The following SPATA6L variants were observed in gnomAD, a reference collection of about 807,000 sequenced individuals.
The protein encoded by SPATA6L is spermatogenesis associated 6 like, also known as spermatogenesis associated 6-like protein.
Under a neutral mutation model 49.2 loss-of-function variants are expected in SPATA6L, and 68 were observed. The ratio of observed to expected loss-of-function variants is 1.38; its 90% CI spans 1.14 to 1.69. The LOEUF is 1.69. Among genes scored for constraint, SPATA6L ranks in the 40% most tolerant of loss-of-function variants. SPATA6L has a pLI of 0.00. For missense variants in SPATA6L, 668 were observed against 464.3 expected (o/e 1.44, Z -4.03); for synonymous variants, 198 against 165.7 (o/e 1.19, Z -1.50).
chr9:4,605,792 C>T lies in SPATA6L; in HGVS notation c.996-352G>A, dbSNP rs190208452. On this transcript the variant is annotated intron_variant, in intron 9 of 11. Transcript: ENST00000682582. ...AACTTTTTAATATAAAATTTAAATC[C>T]GGTTTTCGGGGAGAGCCAAGATGGC... Among the ~76,000 whole-genome samples the T allele has an allele frequency of 1.1e-4, 17 of 152,084 alleles. No individual in the cohort carries two copies. In the East Asian group the frequency reaches 3.1e-3, roughly 28 times the overall value.
At chr9:4,606,411 GAA>G (rs1825075927) in intron 9 of SPATA6L, among the ~76,000 whole-genome samples, 1 of 92,762 alleles carries the variant, frequency 1.1e-5, no homozygotes, top group African/African-American at 4.9e-5. Flanking sequence ...TGACAGCTTT[GAA>G]GAGAGCAGTG....
chr9:4,662,621 C>T lies in SPATA6L; in HGVS notation c.40-585G>A, dbSNP rs777577275. 2.5e-6 allele frequency: 4 copies of T among 1,596,118 alleles called. No homozygotes were observed. Among genetic ancestry groups the T allele is most frequent in the Non-Finnish European group, 3.4e-6 (4 of 1,178,390 alleles). ...CCGCGGCGGGCCCCTCGCAGTCGCC[C>T]GCGCCTCCGCTGCCCGAGGAGGACC... On this transcript the variant is annotated intron_variant, in intron 1 of 11. Coordinates refer to ENST00000682582, the MANE Select transcript of SPATA6L (RefSeq NM_001353486.2). This position sits in a 1 kb window ranked among gnomAD's most constrained non-coding sequence, Gnocchi z 4.9.
intron 9 of SPATA6L, among the ~76,000 whole-genome samples, chr9:4,606,740 T>C (rs1271772559): frequency 2.1e-4 from 31 of 146,152 alleles, no homozygotes; most frequent in Admixed American, 1.7e-3. Flanking sequence ...AGAGCGCCTC[T>C]CCTCCTCCAA....
Position 4,662,580 on chromosome 9 carries a change from G to C in SPATA6L, c.40-544C>G, listed in dbSNP as rs190018180. ...ATCGGAGAGCCCAGTTCACCGCCGCGGCTCCTTCCCCCTGGCCGCGGCGGG... is the reference window on the plus strand; with the variant it reads ...ATCGGAGAGCCCAGTTCACCGCCGCCGCTCCTTCCCCCTGGCCGCGGCGGG... On this transcript the variant is annotated intron_variant, in intron 1 of 11. Transcript: ENST00000682582. This position sits in a 1 kb window ranked among gnomAD's most constrained non-coding sequence, Gnocchi z 4.9. 6.3e-7 allele frequency: 1 copy of C among 1,590,162 alleles called. No individual in the cohort carries two copies. The highest frequency in any genetic ancestry group is 8.5e-7 in the Non-Finnish European group (1 of 1,176,192).
rs556473723 is a variant in SPATA6L, at chr9:4,666,135, G to C, written c.39+77C>G. The C allele has an allele frequency of 6.7e-5, 87 of 1,299,934 alleles. No homozygotes were observed. The African/African-American group carries it at 9.9e-4, about 15-fold the overall frequency. 80.5% of individuals were successfully genotyped at this position (1,299,934 alleles called of 1,614,324 possible). A position where few individuals can be genotyped will look rare whatever the true frequency, so the allele number is the denominator to read the frequency against. On this transcript the variant is annotated intron_variant, in intron 1 of 11. Transcript: ENST00000682582. ...TTTGTGGTAAGTGGGGGATGTGGGG[G>C]AGGGTTGTTGAAAACCACCTGAGAC...
downstream of SPATA6L, among the ~76,000 whole-genome samples, chr9:4,594,922 C>G (rs1470453310): frequency 6.6e-6 from 1 of 152,160 alleles, no homozygotes; most frequent in Non-Finnish European, 1.5e-5. Context: ...TTCTTCTCAA[C>G]ACCCACCTTG....
chr9:4,666,093 C>T, intron 1 of SPATA6L, 119 bp downstream of exon 1: 3 of 916,984 alleles, frequency 3.3e-6, no homozygotes, highest in Non-Finnish European at 5.4e-6. Context: ...CGATCTGTCC[C>T]AGAAGATAAT....
At chr9:4,604,506 C>A (rs1824227835) in intron 10 of SPATA6L, among the ~76,000 whole-genome samples, 1 of 152,064 alleles carries the variant, frequency 6.6e-6, no homozygotes, top group South Asian at 2.1e-4. Flanking sequence ...CCTCAGCCTC[C>A]CAAAGTACTA....
At chr9:4,591,451 G>C (rs1010769507) in intron 13 of SPATA6L, among the ~76,000 whole-genome samples, 1 of 152,182 alleles carries the variant, frequency 6.6e-6, no homozygotes, top group African/African-American at 2.4e-5. Context: ...AGGCAGGTCT[G>C]ATGGATCTCA....
intron 5 of SPATA6L, 83 bp downstream of exon 5, chr9:4,629,008 T>C (rs1173753985): frequency 2.2e-6 from 2 of 902,730 alleles, no homozygotes; most frequent in East Asian, 2.6e-5. Flanking sequence ...GTAAACTTAA[T>C]AAACTGAGTT....
chr9:4,620,524 C>T (rs1829046667), intron 7 of SPATA6L, among the ~76,000 whole-genome samples: 1 of 152,210 alleles, frequency 6.6e-6, no homozygotes, highest in Admixed American at 6.5e-5. Flanking sequence ...TTCAACTGCA[C>T]ATTCAGGTTT....
Position 4,625,270 on chromosome 9 carries a change from A to C in SPATA6L, c.669+57T>G, listed in dbSNP as rs551963812. The C allele has an allele frequency of 3.6e-5, 56 of 1,541,060 alleles. 1 individual carries two copies. The South Asian group carries it at 4.5e-4, about 12-fold the overall frequency. On this transcript the variant is annotated intron_variant, in intron 6 of 11. Coordinates refer to ENST00000682582, the MANE Select transcript of SPATA6L (RefSeq NM_001353486.2). Reference sequence around the variant, plus strand: ...TTATAACTCAACCTTCCTTTCTTCCACCCTCATCCATATCCTCACTATTGC... The same window carrying C: ...TTATAACTCAACCTTCCTTTCTTCCCCCCTCATCCATATCCTCACTATTGC...
intron 3 of SPATA6L, among the ~76,000 whole-genome samples, chr9:4,654,776 T>C (rs1837728348): frequency 1.3e-5 from 2 of 152,146 alleles, no homozygotes; most frequent in Non-Finnish European, 2.9e-5. Flanking sequence ...GTCCAGCCGC[T>C]TCTGTCTCTG....
chr9:4,648,679 G>C (rs949176735), intron 3 of SPATA6L, among the ~76,000 whole-genome samples: 2 of 121,818 alleles, frequency 1.6e-5, no homozygotes, highest in Non-Finnish European at 3.4e-5. Context: ...CAGCCTGGGC[G>C]ACAGAGCGAG....
chr9:4,605,867 G>A (rs976730885), intron 9 of SPATA6L, among the ~76,000 whole-genome samples: 2 of 152,236 alleles, frequency 1.3e-5, no homozygotes, highest in Non-Finnish European at 2.9e-5. Context: ...CGACGCAGAG[G>A]ACGGGTGATT....
intron 3 of SPATA6L, among the ~76,000 whole-genome samples, chr9:4,645,876 G>A (rs138894913): frequency 1.8e-4 from 28 of 152,274 alleles, no homozygotes; most frequent in African/African-American, 6.0e-4. Flanking sequence ...ACAGAATTTC[G>A]TTTTGGGGTA....
chr9:4,642,324 G>A (rs1834206460), intron 3 of SPATA6L, among the ~76,000 whole-genome samples: 1 of 152,036 alleles, frequency 6.6e-6, no homozygotes, highest in Non-Finnish European at 1.5e-5. Context: ...AAAACTTATG[G>A]AAAAAAACTC....
Position 4,662,207 on chromosome 9 carries a change from A to T in SPATA6L, c.40-171T>A, listed in dbSNP as rs975948902. The T allele has an allele frequency of 4.2e-6, 6 of 1,435,358 alleles. No individual in the cohort carries two copies. The South Asian group carries it at 4.5e-5, about 11-fold the overall frequency. The allele number at this position is 1,435,358 out of a possible 1,614,324, so 88.9% of individuals were successfully genotyped here. A position where few individuals can be genotyped will look rare whatever the true frequency, so the allele number is the denominator to read the frequency against. On this transcript the variant is annotated intron_variant, in intron 1 of 11. Transcript: ENST00000682582. This position sits in a 1 kb window ranked among gnomAD's most constrained non-coding sequence, Gnocchi z 4.9. ...ACATCCTCCCCTCTGCTCTCCTCAC[A>T]TTGGAAATTCCAACTCCCTCCCACG...
intron 5 of SPATA6L, chr9:4,627,425 C>G (rs2130476784): frequency 5.3e-6 from 1 of 187,190 alleles, no homozygotes; most frequent in Middle Eastern, 2.4e-3. Context: ...AGATTATTGG[C>G]CCTTCTTTCT....
Sources: allele counts gnomAD v4.1 joint callset (sites outside exome capture counted in the v4.1 genomes callset), GRCh38; gene constraint gnomAD v4.1.1; non-coding constraint Gnocchi (gnomAD v3.1); transcripts MANE v1.5; gene names NCBI Gene and HGNC (gene_info 2026-07-23, HGNC 2026-07-21).